The following CD4 variants were observed in gnomAD, a reference collection of about 807,000 sequenced individuals.
CD4 encodes the protein CD4 molecule.
Under a neutral mutation model 50.5 loss-of-function variants are expected in CD4, and 25 were observed. That is an observed-to-expected ratio of 0.49 (90% CI 0.36 to 0.69). The LOEUF is 0.69. Ranked by LOEUF, CD4 falls within the 30% of genes least tolerant of loss-of-function variation. The probability of loss-of-function intolerance (pLI) is 0.00; values close to 1 mark genes in which losing one functional copy is unlikely to be tolerated. For missense variants in CD4, 456 were observed against 548.5 expected (o/e 0.83, Z 1.68); for synonymous variants, 207 against 221.9 (o/e 0.93, Z 0.60).
At chr12:6,815,465 T>C (rs1943061058) in intron 5 of CD4, among the ~76,000 whole-genome samples, 1 of 152,180 alleles carries the variant, frequency 6.6e-6, no homozygotes, top group Non-Finnish European at 1.5e-5. Context: ...CCCTGGGTGC[T>C]TATGTGACTT....
At chr12:6,815,387 A>G (rs1038784303) in intron 5 of CD4, among the ~76,000 whole-genome samples, 1 of 152,102 alleles carries the variant, frequency 6.6e-6, no homozygotes, top group South Asian at 2.1e-4. Flanking sequence ...ATGATGTTCT[A>G]TGTTGTACCT....
At chr12:6,795,023 T>C (rs760442645) in intron 1 of CD4, among the ~76,000 whole-genome samples, 2 of 151,786 alleles carry the variant, frequency 1.3e-5, no homozygotes, top group Non-Finnish European at 2.9e-5. Flanking sequence ...TGACCTCAGG[T>C]GATCTACCCG....
At chr12:6,810,832 C>G (rs1565497436) in intron 3 of CD4, among the ~76,000 whole-genome samples, 1 of 151,098 alleles carries the variant, frequency 6.6e-6, no homozygotes, top group Non-Finnish European at 1.5e-5. Context: ...AGGGCAGGAA[C>G]CACTGAAGGA....
rs782347075 is a variant in CD4 at position 6,812,771 on chromosome 12, T to TTGTGTG, written c.215-1339_215-1334dup. ...TTCCTAGAGGCAACCAAGGTTATTT[T>TTGTGTG]TGTGTGTGTGTGTGTGTGTGTGTGT... On this transcript the variant is annotated intron_variant, in intron 3 of 9. Transcript: ENST00000011653. Among the ~76,000 whole-genome samples, 353 of 57,594 alleles carry TTGTGTG rather than the reference T, an allele frequency of 6.1e-3. 1 individual carries two copies. Among genetic ancestry groups the TTGTGTG allele is most frequent in the Non-Finnish European group, 7.4e-3 (168 of 22,752 alleles). The allele number at this position is 57,594 out of a possible 152,430, so 37.8% of individuals were successfully genotyped here.
Position 6,818,979 on chromosome 12 carries a change from G to T in CD4, c.1346+65G>T. The T allele has an allele frequency of 1.3e-6, 1 of 778,196 alleles. No individual in the cohort carries two copies. 48.2% of individuals were successfully genotyped at this position (778,196 alleles called of 1,614,324 possible). A position where few individuals can be genotyped will look rare whatever the true frequency, so the allele number is the denominator to read the frequency against. On this transcript the variant is annotated intron_variant, in intron 9 of 9. Transcript: ENST00000011653. This position sits in a 1 kb window ranked among gnomAD's most constrained non-coding sequence, Gnocchi z 5.0. ...GGAGGGGGAGGGAGTTAGAGAGGAGGGGGAGGAAGGGGAGCAAAGGGGGGC... is the reference window on the plus strand; with the variant it reads ...GGAGGGGGAGGGAGTTAGAGAGGAGTGGGAGGAAGGGGAGCAAAGGGGGGC...
At chr12:6,815,076 G>C in intron 5 of CD4, 84 bp downstream of exon 5, 1 of 951,188 alleles carries the variant, frequency 1.1e-6, no homozygotes. Context: ...CCCTGTTTCT[G>C]GTTCTGGTGC....
At chr12:6,817,879 A>ACACT (rs145508486) in intron 7 of CD4, among the ~76,000 whole-genome samples, 370 of 151,486 alleles carry the variant, frequency 2.4e-3, no homozygotes, top group African/African-American at 8.1e-3. Context: ...GCACACACAC[A>ACACT]CTTACACATT....
intron 1 of CD4, among the ~76,000 whole-genome samples, chr12:6,796,489 C>G (rs530905283): frequency 6.6e-6 from 1 of 152,314 alleles, no homozygotes; most frequent in Admixed American, 6.5e-5. Flanking sequence ...TATCCTAGGC[C>G]TGGATTCAAA....
At chr12:6,800,870 A>AGTCT in intron 3 of CD4, among the ~76,000 whole-genome samples, 1 of 151,948 alleles carries the variant, frequency 6.6e-6, no homozygotes, top group Non-Finnish European at 1.5e-5. Context: ...ACCAGCCTGA[A>AGTCT]CAACATAGTG....
chr12:6,792,638 T>A lies in CD4; in HGVS notation c.-68+2976T>A, dbSNP rs954959012. On this transcript the variant is annotated intron_variant, in intron 1 of 9. Coordinates refer to ENST00000011653, the MANE Select transcript of CD4 (RefSeq NM_000616.5). The surrounding 1 kb of genome is among the most constrained non-coding windows in gnomAD (Gnocchi z 4.1). The stretch of plus-strand genomic sequence containing the variant: ...CCACCCTGCAGCCGGCTCCCTCACA[T>A]CCACCCTGGGCTGCAGGCGTGCTCG... Among the ~76,000 whole-genome samples, 2 of 152,064 alleles carry A rather than the reference T, an allele frequency of 1.3e-5. No individual in the cohort carries two copies. Among genetic ancestry groups the A allele is most frequent in the African/African-American group, 2.4e-5 (1 of 41,398 alleles).
Position 6,816,437 on chromosome 12 carries a change from G to C in CD4, c.955+34G>C, listed in dbSNP as rs782436832. On this transcript the variant is annotated intron_variant, in intron 6 of 9. Transcript: ENST00000011653. This position sits in a 1 kb window ranked among gnomAD's most constrained non-coding sequence, Gnocchi z 4.9. ...CCAGGCCAGGGAGGGGTGGGCAGGG[G>C]AAGGAGTTGGAGGGGCCTGGCCCAG... is the stretch of plus-strand genomic sequence containing the variant. 50 of 1,533,702 alleles carry C rather than the reference G, an allele frequency of 3.3e-5. No individual in the cohort carries two copies. In the East Asian group the frequency reaches 1.1e-3, roughly 33 times the overall value.
Position 6,818,491 on chromosome 12 carries a change from G to C in CD4, c.1227G>C (p.Leu409=). The C allele has an allele frequency of 6.2e-7, 1 of 1,613,092 alleles. No individual in the cohort carries two copies. The highest frequency in any genetic ancestry group is 1.3e-5 in the African/African-American group (1 of 75,064). ...LIVLGGVAGL[L]LFIGLGIFFC... ...TGCTGGGGGGCGTCGCCGGCCTCCT[G>C]CTTTTCATTGGGCTAGGCATCTTCT... The change falls in exon 8 of 10, where the codon CTG becomes CTC. Residue 409 remains leucine, a synonymous_variant. Coordinates refer to ENST00000011653, the MANE Select transcript of CD4 (RefSeq NM_000616.5). The surrounding 1 kb of genome is among the most constrained non-coding windows in gnomAD (Gnocchi z 5.0).
chr12:6,794,786 G>GTTTT (rs1220016459), intron 1 of CD4, among the ~76,000 whole-genome samples: 7 of 105,370 alleles, frequency 6.6e-5, no homozygotes, highest in Admixed American at 1.2e-4. Context: ...TTTTTTTTTT[G>GTTTT]TTTTTTTTTT....
In CD4 at chr12:6,792,001, G is replaced by T. The variant is rs1433341042; in HGVS notation, c.-68+2339G>T. Among the ~76,000 whole-genome samples, 1 of 152,182 alleles carries T rather than the reference G, an allele frequency of 6.6e-6. No homozygotes were observed. Among genetic ancestry groups the T allele is most frequent in the Admixed American group, 6.5e-5 (1 of 15,274 alleles). ...GGATGAGGGAAGGAGGGTGGGCACG[G>T]TTCCCCCGATGTGGGTGTCTGAGGC... is the stretch of plus-strand genomic sequence containing the variant. On this transcript the variant is annotated intron_variant, in intron 1 of 9. Coordinates refer to ENST00000011653, the MANE Select transcript of CD4 (RefSeq NM_000616.5). The surrounding 1 kb of genome is among the most constrained non-coding windows in gnomAD (Gnocchi z 4.1).
intron 3 of CD4, among the ~76,000 whole-genome samples, chr12:6,808,368 C>G (rs1459803607): frequency 3.2e-5 from 1 of 30,804 alleles, no homozygotes; most frequent in East Asian, 8.6e-4. Context: ...AGGAGAATCA[C>G]TTGAACCCAG....
At chr12:6,801,011 T>A (rs1942527937) in intron 3 of CD4, among the ~76,000 whole-genome samples, 1 of 151,750 alleles carries the variant, frequency 6.6e-6, no homozygotes, top group Non-Finnish European at 1.5e-5. Context: ...GCTCAAGTCA[T>A]CATCCCACCT....
chr12:6,807,116 G>A (rs1048626239), intron 3 of CD4, among the ~76,000 whole-genome samples: 2 of 152,138 alleles, frequency 1.3e-5, no homozygotes, highest in Non-Finnish European at 2.9e-5. Flanking sequence ...GCAGTGAGCC[G>A]AGATCGCGCC....
At chr12:6,795,643 G>A (rs1028490867) in intron 1 of CD4, among the ~76,000 whole-genome samples, 1 of 152,256 alleles carries the variant, frequency 6.6e-6, no homozygotes, top group African/African-American at 2.4e-5. Flanking sequence ...TGAAAATGGT[G>A]TTTCTGGAAC....
chr12:6,797,931 C>T lies in CD4; in HGVS notation c.-67-2141C>T, dbSNP rs182165712. ...CTTATCTCAACCGAATAGAGGCCTTCCTCCTTCACTAATCCTCCTCAGCAC... is the reference window on the plus strand; with the variant it reads ...CTTATCTCAACCGAATAGAGGCCTTTCTCCTTCACTAATCCTCCTCAGCAC... On this transcript the variant is annotated intron_variant, in intron 1 of 9. Transcript: ENST00000011653. Among the ~76,000 whole-genome samples, 216 of 152,252 alleles carry T rather than the reference C, an allele frequency of 1.4e-3. 1 individual carries two copies. Among genetic ancestry groups the T allele is most frequent in the African/African-American group, 4.4e-3 (184 of 41,532 alleles).
Sources: gnomAD v4.1 joint callset for allele counts (sites outside exome capture counted in the v4.1 genomes callset) on GRCh38, gnomAD v4.1.1 for gene constraint, Gnocchi (gnomAD v3.1) non-coding constraint, MANE v1.5 for transcripts, NCBI Gene and HGNC (gene_info 2026-07-23, HGNC 2026-07-21) for gene names.